Variants in CAMK2D observed in about 807,000 individuals in gnomAD.
CAMK2D encodes the protein calcium/calmodulin dependent protein kinase II delta, also known as calcium/calmodulin-dependent protein kinase type II subunit delta.
Under a neutral mutation model 84.0 loss-of-function variants are expected in CAMK2D, and 37 were observed. The ratio of observed to expected loss-of-function variants is 0.44; its 90% CI spans 0.34 to 0.58. The LOEUF (loss-of-function observed/expected upper bound fraction) is 0.58, where lower values mean the gene tolerates loss of function less well. Ranked by LOEUF, CAMK2D falls within the 20% of genes least tolerant of loss-of-function variation. The pLI is 0.02. For synonymous variants in CAMK2D, 202 were observed against 212.5 expected, an observed-to-expected ratio of 0.95 and a Z score of 0.43; for missense variants, 448 against 652.5, an observed-to-expected ratio of 0.69 and a Z score of 3.41.
intron 2 of CAMK2D, among the ~76,000 whole-genome samples, chr4:113,671,436 C>T (rs2099283214): frequency 6.6e-6 from 1 of 152,202 alleles, no homozygotes; most frequent in African/African-American, 2.4e-5. Context: ...GCAATGTTTA[C>T]AGACTCATAT....
chr4:113,520,536 G>GA (rs138506262), intron 8 of CAMK2D, among the ~76,000 whole-genome samples: 3,337 of 152,012 alleles, frequency 0.022, 107 homozygotes, highest in African/African-American at 0.068. Context: ...CTATGTCAGA[G>GA]AAAAAAGAAA....
chr4:113,750,442 A>G (rs1221773074), intron 2 of CAMK2D, among the ~76,000 whole-genome samples: 3 of 151,724 alleles, frequency 2.0e-5, no homozygotes, highest in Non-Finnish European at 4.4e-5. Context: ...TGTGAGACCA[A>G]CCTCCCCAAG....
intron 4 of CAMK2D, among the ~76,000 whole-genome samples, chr4:113,589,906 G>A (rs1281921047): frequency 2.0e-5 from 3 of 152,062 alleles, no homozygotes; most frequent in Non-Finnish European, 2.9e-5. Flanking sequence ...TAAATGTCTG[G>A]GAGATGAGGA....
chr4:113,581,706 C>T (rs950381272), intron 4 of CAMK2D, among the ~76,000 whole-genome samples: 2 of 152,100 alleles, frequency 1.3e-5, no homozygotes, highest in African/African-American at 4.8e-5. Context: ...CAGCCTTCTA[C>T]TCCTTCTACT....
At position 113,455,820 on chromosome 4, in the gene CAMK2D, G is replaced by T; in HGVS notation, c.1537C>A (p.Pro513Thr). The change falls in exon 20 of 21, where the codon CCA (proline) becomes ACA (threonine). Residue 513 changes from proline to threonine, a missense_variant and splice_region_variant. By Grantham distance (38) the Pro-to-Thr change is conservative. This residue lies in a region of CAMK2D where 219 missense variants were observed against 272.1 expected (regional missense o/e 0.80). Coordinates refer to ENST00000511664, the MANE Select transcript of CAMK2D (RefSeq NM_001321571.2). ...TCTTTCCCATTTGGAATACAGGGTGGCCTATTAAGAGAAGCCCCATTTAAG... is the reference window on the plus strand; with the variant it reads ...TCTTTCCCATTTGGAATACAGGGTGTCCTATTAAGAGAAGCCCCATTTAAG... Reference protein sequence around the residue: ...RSGSPTVPIKPPCIPNGKENF... With the variant: ...RSGSPTVPIKTPCIPNGKENF... 6.2e-7 allele frequency: 1 copy of T among 1,601,820 alleles called. No individual in the cohort carries two copies. The highest frequency in any genetic ancestry group is 1.3e-5 in the African/African-American group (1 of 74,700).
chr4:113,566,114 GAGA>G (rs1301703768), intron 4 of CAMK2D, among the ~76,000 whole-genome samples: 14 of 152,168 alleles, frequency 9.2e-5, no homozygotes, highest in Non-Finnish European at 1.8e-4. Context: ...GAAGGCTGAA[GAGA>G]AGAAACGTCT....
chr4:113,601,279 C>A (rs957924838), intron 4 of CAMK2D, among the ~76,000 whole-genome samples: 6 of 152,080 alleles, frequency 3.9e-5, no homozygotes, highest in African/African-American at 1.4e-4. Flanking sequence ...AGAATAGAAT[C>A]AAAAGTATAT....
intron 9 of CAMK2D, among the ~76,000 whole-genome samples, chr4:113,517,011 CTAATTA>C (rs1348802788): frequency 6.6e-6 from 1 of 151,490 alleles, no homozygotes; most frequent in Non-Finnish European, 1.5e-5. Flanking sequence ...TTCAAATATT[CTAATTA>C]TAAATTAAAT....
chr4:113,482,513 G>GT (rs980706920), intron 16 of CAMK2D, among the ~76,000 whole-genome samples: 4 of 152,202 alleles, frequency 2.6e-5, no homozygotes, highest in Non-Finnish European at 4.4e-5. Flanking sequence ...CTATACAGGA[G>GT]TATTGCAATG....
intron 3 of CAMK2D, among the ~76,000 whole-genome samples, chr4:113,644,395 G>C (rs1164618435): frequency 6.6e-6 from 1 of 152,184 alleles, no homozygotes; most frequent in Non-Finnish European, 1.5e-5. Flanking sequence ...ATCTGAAATA[G>C]ATCATCAGTT....
chr4:113,753,253 G>T (rs2099621317), intron 2 of CAMK2D, among the ~76,000 whole-genome samples: 1 of 151,708 alleles, frequency 6.6e-6, no homozygotes, highest in African/African-American at 2.4e-5. Context: ...CATAGAAGGG[G>T]CTCTTCAAAT....
intron 3 of CAMK2D, among the ~76,000 whole-genome samples, chr4:113,614,376 T>G (rs1490175962): frequency 6.6e-6 from 1 of 152,116 alleles, no homozygotes; most frequent in Non-Finnish European, 1.5e-5. Flanking sequence ...ATTCATGTCC[T>G]TGTGCAGTCC....
At position 113,457,102 on chromosome 4, in the gene CAMK2D, G is replaced by A. The variant is rs888244807; in HGVS notation, c.1535+233C>T. On this transcript the variant is annotated intron_variant, in intron 19 of 20. Transcript: ENST00000511664. ...TGAGATTTTGATCACGTAGTCTCTC[G>A]TCCTGTCTAAACCTATCATATACTG... 19 of 1,019,546 alleles carry A rather than the reference G, an allele frequency of 1.9e-5. 1 individual carries two copies. The highest frequency in any genetic ancestry group is 9.2e-5 in the East Asian group (3 of 32,708). The allele number at this position is 1,019,546 out of a possible 1,614,324, so 63.2% of individuals were successfully genotyped here. A position where few individuals can be genotyped will look rare whatever the true frequency, so the allele number is the denominator to read the frequency against.
chr4:113,563,945 TG>T (rs1381357073), intron 4 of CAMK2D, among the ~76,000 whole-genome samples: 2 of 152,150 alleles, frequency 1.3e-5, no homozygotes, highest in African/African-American at 4.8e-5. Context: ...TATTACAGAC[TG>T]ATAGTGTTGA....
intron 16 of CAMK2D, among the ~76,000 whole-genome samples, chr4:113,484,983 T>C (rs1017085019): frequency 2.0e-5 from 3 of 152,132 alleles, no homozygotes; most frequent in African/African-American, 4.8e-5. Flanking sequence ...CGATATAATA[T>C]TGGAGTAATG....
At position 113,454,278 on chromosome 4, in the gene CAMK2D, C is replaced by T; in HGVS notation, c.*267G>A. 5.5e-6 allele frequency: 2 copies of T among 360,408 alleles called. 1 individual carries two copies. Among genetic ancestry groups the T allele is most frequent in the South Asian group, 1.8e-4 (2 of 10,918 alleles). The allele number at this position is 360,408 out of a possible 1,614,324, so 22.3% of individuals were successfully genotyped here. A position where few individuals can be genotyped will look rare whatever the true frequency, so the allele number is the denominator to read the frequency against. ...GGATTTTTTTTTTTGTCTAATCTCC[C>T]CCTATTGTTTTGCCAACAGTAATTT... On this transcript the variant is annotated 3_prime_UTR_variant, in exon 21 of 21. Coordinates refer to ENST00000511664, the MANE Select transcript of CAMK2D (RefSeq NM_001321571.2).
Position 113,607,533 on chromosome 4 carries a change from C to T in CAMK2D, c.275+1619G>A, listed in dbSNP as rs534479463. ...CCATTGTGATTTGTTCCTGCCCCAC[C>T]GTAACCGATCAATTGACCCTGTGAC... On this transcript the variant is annotated intron_variant, in intron 4 of 20. Transcript: ENST00000511664. Among the ~76,000 whole-genome samples, 65 of 152,214 alleles carry T rather than the reference C, an allele frequency of 4.3e-4. 1 individual carries two copies. Among genetic ancestry groups the T allele is most frequent in the South Asian group, 2.7e-3 (13 of 4,816 alleles).
At chr4:113,756,718 T>G (rs553084925) in intron 2 of CAMK2D, among the ~76,000 whole-genome samples, 2 of 152,222 alleles carry the variant, frequency 1.3e-5, no homozygotes, top group African/African-American at 4.8e-5. Flanking sequence ...ACAAGTCATT[T>G]AACAACCACA....
At chr4:113,760,724 C>G (rs1217000075) in intron 1 of CAMK2D, among the ~76,000 whole-genome samples, 1 of 152,078 alleles carries the variant, frequency 6.6e-6, no homozygotes, top group South Asian at 2.1e-4. Context: ...CTGCAGAGAT[C>G]GTAAATTCAC....
Sources: gnomAD v4.1 joint callset for allele counts (sites outside exome capture counted in the v4.1 genomes callset) on GRCh38, gnomAD v4.1.1 for gene constraint, gnomAD v4.1.1 regional missense constraint, MANE v1.5 for transcripts, NCBI Gene and HGNC (gene_info 2026-07-23, HGNC 2026-07-21) for gene names.